Variants in ZNF723 observed in about 807,000 individuals in gnomAD.
ZNF723 encodes zinc finger protein 723, pseudogene.
Under a neutral mutation model 9.4 loss-of-function variants are expected in ZNF723, and 5 were observed. The ratio of observed to expected loss-of-function variants is 0.53; its 90% CI spans 0.28 to 1.12. ZNF723 has a LOEUF of 1.12. Ranked by LOEUF, ZNF723 falls within the 50% of genes most tolerant of loss-of-function variation. The pLI, the probability that ZNF723 is intolerant of heterozygous loss-of-function variation, is 0.10. For missense variants in ZNF723, 450 were observed against 501.5 expected, an observed-to-expected ratio of 0.90 and a Z score of 0.98; for synonymous variants, 158 against 168.8, an observed-to-expected ratio of 0.94 and a Z score of 0.49.
At position 22,833,957 on chromosome 19, in the gene ZNF723, CCTT is replaced by C. The variant is rs202071048; in HGVS notation, c.3+1578_3+1580del. Among the ~76,000 whole-genome samples the C allele has an allele frequency of 7.0e-3, 875 of 125,320 alleles. 11 individuals carry two copies. Among genetic ancestry groups the C allele is most frequent in the African/African-American group, 0.026 (835 of 32,272 alleles). The allele number at this position is 125,320 out of a possible 152,430, so 82.2% of individuals were successfully genotyped here. ...TTTTTTTTTTTTTTTTTCCGAGTCT[CCTT>C]CTGTTGCTCAGGCTGGAGTACTGTG... On this transcript the variant is annotated intron_variant, in intron 1 of 3. Coordinates refer to ENST00000600766, the MANE Select transcript of ZNF723 (RefSeq NM_001349726.2).
chr19:22,816,623 G>A, the ZNF723 span, among the ~76,000 whole-genome samples: 4 of 152,210 alleles, frequency 2.6e-5, no homozygotes, highest in Non-Finnish European at 5.9e-5. Context: ...CAGATTTACT[G>A]TCCTGCCTGG....
intron 1 of ZNF723, among the ~76,000 whole-genome samples, chr19:22,843,101 G>A (rs1967269273): frequency 6.6e-6 from 1 of 152,186 alleles, no homozygotes; most frequent in African/African-American, 2.4e-5. Context: ...ATGTGGGACT[G>A]GAGTAGAATA....
chr19:22,840,079 C>CT (rs1240038497), intron 1 of ZNF723, among the ~76,000 whole-genome samples: 4 of 152,152 alleles, frequency 2.6e-5, no homozygotes, highest in Admixed American at 2.0e-4. Context: ...TCTGTTTACT[C>CT]TGTTGATAGT....
chr19:22,832,956 C>T (rs1967116565), intron 1 of ZNF723, among the ~76,000 whole-genome samples: 1 of 152,114 alleles, frequency 6.6e-6, no homozygotes, highest in Non-Finnish European at 1.5e-5. Flanking sequence ...TAATTTCCAC[C>T]TTGAGCCTAC....
At chr19:22,836,758 A>G (rs985302141) in intron 1 of ZNF723, among the ~76,000 whole-genome samples, 37 of 152,344 alleles carry the variant, frequency 2.4e-4, no homozygotes, top group African/African-American at 8.7e-4. Flanking sequence ...AGATTTGCAG[A>G]GTCTATGTCT....
At chr19:22,819,588 G>A in the ZNF723 span, among the ~76,000 whole-genome samples, 1 of 152,220 alleles carries the variant, frequency 6.6e-6, no homozygotes, top group Non-Finnish European at 1.5e-5. Context: ...CATCTAGGGT[G>A]ATTTTGACAT....
At chr19:22,854,427 T>G (rs1363324594) in intron 3 of ZNF723, among the ~76,000 whole-genome samples, 3 of 152,186 alleles carry the variant, frequency 2.0e-5, no homozygotes, top group East Asian at 1.9e-4. Flanking sequence ...AGTTGGATTT[T>G]GGGTTTTAAG....
chr19:22,820,865 T>C, the ZNF723 span, among the ~76,000 whole-genome samples: 20 of 152,270 alleles, frequency 1.3e-4, no homozygotes, highest in Non-Finnish European at 2.2e-4. Flanking sequence ...ACTGTGACTC[T>C]CCTATGCACA....
chr19:22,827,406 A>T (rs1387323374), upstream of ZNF723, among the ~76,000 whole-genome samples: 1 of 151,498 alleles, frequency 6.6e-6, no homozygotes, highest in Non-Finnish European at 1.5e-5. Context: ...GACCTTGGCT[A>T]AGAAGCATGG....
intron 1 of ZNF723, among the ~76,000 whole-genome samples, chr19:22,834,828 A>AT (rs1967144671): frequency 6.6e-6 from 1 of 151,336 alleles, no homozygotes; most frequent in Admixed American, 6.6e-5. Flanking sequence ...AAGATTTGTG[A>AT]AAAAAAAATA....
At chr19:22,831,288 G>C (rs1967090703), upstream of ZNF723, among the ~76,000 whole-genome samples, 1 of 152,158 alleles carries the variant, frequency 6.6e-6, no homozygotes, top group Non-Finnish European at 1.5e-5. Context: ...CGGGTGCAGT[G>C]ACTCACTCCT....
intron 3 of ZNF723, 50 bp downstream of exon 3, chr19:22,849,343 T>C: frequency 2.0e-6 from 1 of 501,258 alleles, no homozygotes; most frequent in Non-Finnish European, 3.7e-6. Flanking sequence ...CGTCCAAAGG[T>C]CAAGGAGAAA....
chr19:22,814,767 G>A, the ZNF723 span, among the ~76,000 whole-genome samples: 1 of 152,136 alleles, frequency 6.6e-6, no homozygotes, highest in African/African-American at 2.4e-5. Context: ...TTCTGCCTGG[G>A]CCCTACAGAT....
upstream of ZNF723, among the ~76,000 whole-genome samples, chr19:22,830,645 C>A (rs1967084072): frequency 6.6e-6 from 1 of 152,162 alleles, no homozygotes; most frequent in South Asian, 2.1e-4. Context: ...GAGTTTCAGC[C>A]CAGCCACTTA....
chr19:22,827,974 G>A (rs1019464188), upstream of ZNF723, among the ~76,000 whole-genome samples: 1 of 152,066 alleles, frequency 6.6e-6, no homozygotes, highest in Non-Finnish European at 1.5e-5. Flanking sequence ...CAGCTACTCA[G>A]GAGGCTGAGG....
In ZNF723 at chr19:22,858,138, A is replaced by T. The variant is rs1302341351; in HGVS notation, c.1247A>T (p.Lys416Met). ...FNQSSALTTH[K>M]IIHTGERPYK... ...CAATCCTCAGCCCTTACTACACATA[A>T]GATAATTCATACTGGAGAAAGACCT... The change falls in exon 4 of 4, where the codon AAG (lysine) becomes ATG (methionine). Residue 416 changes from lysine to methionine, a missense_variant. By Grantham distance (95) the Lys-to-Met change is moderately conservative. Transcript: ENST00000600766. 7.0e-7 allele frequency: 1 copy of T among 1,435,080 alleles called. No homozygotes were observed. The highest frequency in any genetic ancestry group is 1.7e-5 in the Admixed American group (1 of 59,780). The allele number at this position is 1,435,080 out of a possible 1,614,324, so 88.9% of individuals were successfully genotyped here. A position where few individuals can be genotyped will look rare whatever the true frequency, so the allele number is the denominator to read the frequency against.
the ZNF723 span, among the ~76,000 whole-genome samples, chr19:22,812,349 G>T: frequency 6.6e-6 from 1 of 152,196 alleles, no homozygotes; most frequent in African/African-American, 2.4e-5. Flanking sequence ...CTACTGGTAA[G>T]GTCTTGAATT....
chr19:22,830,768 T>G (rs1002234191), upstream of ZNF723, among the ~76,000 whole-genome samples: 3 of 152,136 alleles, frequency 2.0e-5, no homozygotes, highest in Admixed American at 2.0e-4. Flanking sequence ...TTTCTTTTTT[T>G]CTTTTTCTTT....
intron 3 of ZNF723, among the ~76,000 whole-genome samples, chr19:22,851,278 TCTC>T (rs760247892): frequency 2.2e-4 from 33 of 151,994 alleles, no homozygotes; most frequent in Non-Finnish European, 3.4e-4. Flanking sequence ...TTCAAGCAAT[TCTC>T]CTGCCTCAGC....
Sources: allele counts gnomAD v4.1 joint callset (sites outside exome capture counted in the v4.1 genomes callset), GRCh38; gene constraint gnomAD v4.1.1; transcripts MANE v1.5; gene names NCBI Gene and HGNC (gene_info 2026-07-23, HGNC 2026-07-21).